SGMS1: variants seen among roughly 807,000 people sequenced by gnomAD.
SGMS1 encodes phosphatidylcholine:ceramide cholinephosphotransferase 1.
Under a neutral mutation model 46.2 loss-of-function variants are expected in SGMS1, and 13 were observed. The ratio of observed to expected loss-of-function variants is 0.28; its 90% confidence interval spans 0.18 to 0.45. The LOEUF is 0.45. Among genes scored for constraint, SGMS1 ranks in the 20% least tolerant of loss-of-function variants. The pLI is 1.00. For missense variants in SGMS1, 324 were observed against 519.9 expected (o/e 0.62, Z 3.66); for synonymous variants, 203 against 187.8 (o/e 1.08, Z -0.66).
intron 6 of SGMS1, among the ~76,000 whole-genome samples, chr10:50,350,261 A>T (rs561979464): frequency 6.6e-6 from 1 of 152,280 alleles, no homozygotes; most frequent in African/African-American, 2.4e-5. Context: ...GGCGGAAGAA[A>T]TTTCTAAGCA....
intron 5 of SGMS1, among the ~76,000 whole-genome samples, chr10:50,443,542 A>G (rs1329607337): frequency 6.6e-6 from 1 of 152,130 alleles, no homozygotes; most frequent in Admixed American, 6.5e-5. Flanking sequence ...AGAATTCTAT[A>G]TACAACAAAA....
At chr10:50,518,602 T>G (rs1021410080) in intron 3 of SGMS1, among the ~76,000 whole-genome samples, 1 of 152,072 alleles carries the variant, frequency 6.6e-6, no homozygotes, top group Admixed American at 6.6e-5. Context: ...AATTTTTATA[T>G]TTTTAGTAAA....
At chr10:50,413,106 A>G (rs1008938352) in intron 6 of SGMS1, among the ~76,000 whole-genome samples, 7 of 152,230 alleles carry the variant, frequency 4.6e-5, no homozygotes, top group Admixed American at 2.6e-4. Context: ...AAATTTGAAA[A>G]AAAAAGTTAT....
chr10:50,380,596 T>TG (rs1184339565), intron 6 of SGMS1, among the ~76,000 whole-genome samples: 3 of 152,124 alleles, frequency 2.0e-5, no homozygotes, highest in African/African-American at 7.2e-5. Context: ...TCCATGCCAC[T>TG]GCCTACCTGG....
intron 3 of SGMS1, among the ~76,000 whole-genome samples, chr10:50,510,804 T>TCACTAG (rs894436633): frequency 2.1e-4 from 32 of 152,296 alleles, no homozygotes; most frequent in African/African-American, 7.5e-4. Context: ...CGTTCAGATT[T>TCACTAG]CACTAGTTTT....
intron 8 of SGMS1, among the ~76,000 whole-genome samples, chr10:50,326,721 G>C: frequency 6.6e-6 from 1 of 152,100 alleles, no homozygotes; most frequent in East Asian, 1.9e-4. Context: ...TTTGTTACTA[G>C]AGAAAATCAA....
At chr10:50,503,386 C>T (rs1047248083) in intron 3 of SGMS1, among the ~76,000 whole-genome samples, 7 of 152,134 alleles carry the variant, frequency 4.6e-5, no homozygotes, top group African/African-American at 1.7e-4. Flanking sequence ...TCCCCTGTGA[C>T]CCGCATGTAC....
chr10:50,374,042 C>A (rs913341060), intron 6 of SGMS1, among the ~76,000 whole-genome samples: 2 of 152,194 alleles, frequency 1.3e-5, no homozygotes, highest in African/African-American at 4.8e-5. Flanking sequence ...GAAGACACAG[C>A]TGAAATTTAT....
intron 8 of SGMS1, among the ~76,000 whole-genome samples, chr10:50,325,798 C>A (rs73330929): frequency 0.051 from 7,744 of 152,222 alleles, 323 homozygotes; most frequent in African/African-American, 0.12. Flanking sequence ...GCAAAATTTC[C>A]CAATGCACAG....
intron 6 of SGMS1, among the ~76,000 whole-genome samples, chr10:50,387,594 A>C (rs1217345584): frequency 6.6e-6 from 1 of 152,246 alleles, no homozygotes; most frequent in Non-Finnish European, 1.5e-5. Context: ...TATCTTTCAG[A>C]GATAACCAGT....
chr10:50,569,638 T>A (rs926916323), intron 2 of SGMS1, among the ~76,000 whole-genome samples: 1 of 152,124 alleles, frequency 6.6e-6, no homozygotes, highest in Non-Finnish European at 1.5e-5. Flanking sequence ...AACAGGTATG[T>A]CATCTCTAGA....
rs1837809955 is a variant in SGMS1, at chr10:50,516,756, T to C, written c.-498+3075A>G. Among the ~76,000 whole-genome samples the C allele has an allele frequency of 3.3e-5, 5 of 152,204 alleles. No homozygotes were observed. The South Asian group carries it at 1.0e-3, about 31-fold the overall frequency. On this transcript the variant is annotated intron_variant, in intron 3 of 10. Transcript: ENST00000361781. ...TTAAAAATCATTTGAGCATTCCTAA[T>C]TCAGGAATTCTGGTGGATTAGATAT...
intron 1 of SGMS1, among the ~76,000 whole-genome samples, chr10:50,602,224 A>G (rs10826242): frequency 0.66 from 100,136 of 152,014 alleles, 33,392 homozygotes; most frequent in Middle Eastern, 0.68. Context: ...AGCCTAGAAA[A>G]CCCTGCCCCA....
intron 3 of SGMS1, among the ~76,000 whole-genome samples, chr10:50,484,864 C>G (rs1246204231): frequency 1.3e-5 from 2 of 152,136 alleles, no homozygotes; most frequent in Non-Finnish European, 2.9e-5. Flanking sequence ...GTTAAAAACT[C>G]TCAATAAACT....
chr10:50,486,794 A>G (rs1837524740), intron 3 of SGMS1, among the ~76,000 whole-genome samples: 2 of 152,226 alleles, frequency 1.3e-5, no homozygotes, highest in African/African-American at 4.8e-5. Flanking sequence ...TTTGACCAAC[A>G]ATCCCATTAC....
intron 3 of SGMS1, among the ~76,000 whole-genome samples, chr10:50,518,246 CTT>C: frequency 6.6e-6 from 1 of 152,202 alleles, no homozygotes; most frequent in South Asian, 2.1e-4. Context: ...TACTGACTGA[CTT>C]TAAAACTTCT....
At chr10:50,461,400 C>T (rs536918153) in intron 4 of SGMS1, among the ~76,000 whole-genome samples, 2 of 152,192 alleles carry the variant, frequency 1.3e-5, no homozygotes, top group African/African-American at 2.4e-5. Flanking sequence ...ACAAAGAGGG[C>T]TGTTCATTTA....
intron 7 of SGMS1, among the ~76,000 whole-genome samples, chr10:50,332,549 G>A (rs1847642469): frequency 6.8e-6 from 1 of 148,014 alleles, no homozygotes; most frequent in African/African-American, 2.5e-5. Flanking sequence ...TCCCTGGATT[G>A]TGACAACTCC....
intron 2 of SGMS1, among the ~76,000 whole-genome samples, chr10:50,532,550 T>C (rs1471737442): frequency 1.3e-5 from 2 of 152,170 alleles, no homozygotes; most frequent in African/African-American, 4.8e-5. Context: ...AATTAGCCCA[T>C]GAGAAAACTG....
Sources: gnomAD v4.1 joint callset for allele counts (sites outside exome capture counted in the v4.1 genomes callset) on GRCh38, gnomAD v4.1.1 for gene constraint, MANE v1.5 for transcripts, NCBI Gene and HGNC (gene_info 2026-07-23, HGNC 2026-07-21) for gene names.